CRPPA: variants seen among roughly 807,000 people sequenced by gnomAD.
CRPPA encodes D-ribitol-5-phosphate cytidylyltransferase.
CRPPA carries 43 observed loss-of-function variants against 52.0 expected under a neutral mutation model. That is an observed-to-expected ratio of 0.83 (90% CI 0.65 to 1.07). The LOEUF (loss-of-function observed/expected upper bound fraction) is 1.07, where lower values mean the gene tolerates loss of function less well. CRPPA is among the 50% of genes least tolerant of loss of function. The probability of loss-of-function intolerance (pLI) is 0.00; values close to 1 mark genes in which losing one functional copy is unlikely to be tolerated. For synonymous variants in CRPPA, 250 were observed against 203.5 expected (o/e 1.23, Z -1.94); for missense variants, 629 against 551.7 (o/e 1.14, Z -1.40).
At chr7:16,108,721 T>G (rs886827880) in intron 9 of CRPPA, among the ~76,000 whole-genome samples, 1 of 151,856 alleles carries the variant, frequency 6.6e-6, no homozygotes, top group Non-Finnish European at 1.5e-5. Flanking sequence ...AAAATAAGCC[T>G]CAGAAAATTT....
intron 9 of CRPPA, among the ~76,000 whole-genome samples, chr7:16,135,455 C>G (rs1782746519): frequency 1.3e-5 from 2 of 152,054 alleles, no homozygotes; most frequent in African/African-American, 4.8e-5. Context: ...CAGCTGGCAG[C>G]AATTAGACCC....
At chr7:16,175,593 G>A (rs1388380439) in intron 9 of CRPPA, among the ~76,000 whole-genome samples, 1 of 152,104 alleles carries the variant, frequency 6.6e-6, no homozygotes, top group Non-Finnish European at 1.5e-5. Flanking sequence ...TTTCTGCACA[G>A]AATCTCCACA....
At chr7:16,389,781 T>C (rs1787387207) in intron 2 of CRPPA, among the ~76,000 whole-genome samples, 1 of 151,100 alleles carries the variant, frequency 6.6e-6, no homozygotes, top group Admixed American at 6.6e-5. Context: ...TGTAATAAGC[T>C]ATCCAAAAGA....
intron 9 of CRPPA, among the ~76,000 whole-genome samples, chr7:16,097,978 G>A (rs538072109): frequency 6.6e-6 from 1 of 152,244 alleles, no homozygotes; most frequent in African/African-American, 2.4e-5. Context: ...TTTTCTCAAA[G>A]GATAACTTCG....
At chr7:16,342,798 T>TATATATATAGATAGATATATAGATATA (rs1491461185) in intron 3 of CRPPA, among the ~76,000 whole-genome samples, 12 of 101,228 alleles carry the variant, frequency 1.2e-4, no homozygotes, top group African/African-American at 4.1e-4. Context: ...TATATATATA[T>TATATATATAGATAGATATATAGATATA]CTATATAGAT....
Position 16,406,334 on chromosome 7 carries a change from T to C in CRPPA, c.261A>G (p.Val87=), listed in dbSNP as rs886044356. ...CCACAACAATGTCCTTTATCCAACA[T>C]ACTCTAAAAGGAAAGTATATGTACA... ...ISYTLQALER[V]CWIKDIVVAV... The change falls in exon 2 of 10, where the codon GTA becomes GTG. Residue 87 remains valine, a synonymous_variant. Coordinates refer to ENST00000407010, the MANE Select transcript of CRPPA (RefSeq NM_001101426.4). The C allele has an allele frequency of 1.2e-6, 2 of 1,612,162 alleles. No homozygotes were observed. The highest frequency in any genetic ancestry group is 1.7e-5 in the Admixed American group (1 of 59,970).
intron 9 of CRPPA, among the ~76,000 whole-genome samples, chr7:16,142,394 T>G (rs1782890874): frequency 6.6e-6 from 1 of 152,232 alleles, no homozygotes; most frequent in African/African-American, 2.4e-5. Flanking sequence ...CCACACTTAA[T>G]GTGAAACAGT....
chr7:16,206,064 A>C (rs992352250), intron 9 of CRPPA, among the ~76,000 whole-genome samples: 6 of 152,184 alleles, frequency 3.9e-5, no homozygotes, highest in African/African-American at 1.4e-4. Flanking sequence ...ACTAGAAATA[A>C]ATAGTATAAT....
chr7:16,416,918 T>G lies in CRPPA; in HGVS notation c.257+4148A>C, dbSNP rs35733034. On this transcript the variant is annotated intron_variant, in intron 1 of 9. Coordinates refer to ENST00000407010, the MANE Select transcript of CRPPA (RefSeq NM_001101426.4). Reference sequence around the variant, plus strand: ...GTTTTTGCACTCTCAAGCAAAGGCCTAATATCCAGAATCTATAAGGAACTG... The same window carrying G: ...GTTTTTGCACTCTCAAGCAAAGGCCGAATATCCAGAATCTATAAGGAACTG... Among the ~76,000 whole-genome samples, 793 of 152,246 alleles carry G rather than the reference T, an allele frequency of 5.2e-3. 7 individuals are homozygous for G. The highest frequency in any genetic ancestry group is 0.01 in the Middle Eastern group (3 of 294).
chr7:16,120,208 C>A (rs562996638), intron 9 of CRPPA, among the ~76,000 whole-genome samples: 1 of 152,294 alleles, frequency 6.6e-6, no homozygotes, highest in African/African-American at 2.4e-5. Flanking sequence ...AGGTGTTGAC[C>A]TTGGTCAGGT....
intron 9 of CRPPA, among the ~76,000 whole-genome samples, chr7:16,145,070 G>GC (rs1782948883): frequency 6.6e-6 from 1 of 152,114 alleles, no homozygotes; most frequent in South Asian, 2.1e-4. Flanking sequence ...AACCATAAGT[G>GC]CCCCAGGAAT....
chr7:16,412,591 C>T (rs1452098454), intron 1 of CRPPA, among the ~76,000 whole-genome samples: 1 of 152,166 alleles, frequency 6.6e-6, no homozygotes, highest in Non-Finnish European at 1.5e-5. Flanking sequence ...ACATTCTTTT[C>T]TAGTTATAGA....
rs554160733 is a variant in CRPPA, at chr7:16,352,479, A to G, written c.684+23613T>C. ...ATAGACATTTTTCAAAAGACATACA[A>G]AGGTCCAGATATATTTGAAAAGAAA... On this transcript the variant is annotated intron_variant, in intron 3 of 9. Coordinates refer to ENST00000407010, the MANE Select transcript of CRPPA (RefSeq NM_001101426.4). Among the ~76,000 whole-genome samples the G allele has an allele frequency of 3.3e-5, 5 of 152,282 alleles. No homozygotes were observed. The East Asian group carries it at 7.7e-4, about 24-fold the overall frequency.
intron 9 of CRPPA, among the ~76,000 whole-genome samples, chr7:16,167,764 C>G (rs1298715703): frequency 6.6e-6 from 1 of 152,190 alleles, no homozygotes; most frequent in Non-Finnish European, 1.5e-5. Flanking sequence ...GGGCTCTTCC[C>G]TCTGCCTAAA....
intron 9 of CRPPA, among the ~76,000 whole-genome samples, chr7:16,110,339 C>A (rs183403576): frequency 1.4e-4 from 21 of 152,128 alleles, no homozygotes; most frequent in African/African-American, 4.8e-4. Context: ...TGTTAAAATA[C>A]CCCTTCTACT....
chr7:16,381,784 G>A (rs561382283), intron 2 of CRPPA, among the ~76,000 whole-genome samples: 1 of 151,772 alleles, frequency 6.6e-6, no homozygotes, highest in African/African-American at 2.4e-5. Context: ...TTGGTTTAAA[G>A]TCTGTTTTAT....
In CRPPA at chr7:16,228,220, T is replaced by A. The variant is rs530231635; in HGVS notation, c.1120-12023A>T. Among the ~76,000 whole-genome samples the A allele has an allele frequency of 2.3e-4, 35 of 151,966 alleles. No individual in the cohort carries two copies. The South Asian group carries it at 7.3e-3, about 32-fold the overall frequency. On this transcript the variant is annotated intron_variant, in intron 8 of 9. Coordinates refer to ENST00000407010, the MANE Select transcript of CRPPA (RefSeq NM_001101426.4). ...TCAACACGGTTTTGACTATTCAGGG[T>A]CTAGCAAAAGATTTTCCAATTTTTT...
intron 9 of CRPPA, among the ~76,000 whole-genome samples, chr7:16,188,945 C>A (rs552147219): frequency 9.2e-5 from 14 of 152,148 alleles, no homozygotes; most frequent in Non-Finnish European, 1.3e-4. Context: ...GTTTTCAGCT[C>A]TTCTAGTCAG....
At chr7:16,377,212 G>C (rs1365836280) in intron 2 of CRPPA, among the ~76,000 whole-genome samples, 1 of 152,094 alleles carries the variant, frequency 6.6e-6, no homozygotes, top group East Asian at 1.9e-4. Flanking sequence ...TATAAATTGT[G>C]TCACACCTTC....
Sources: allele counts gnomAD v4.1 joint callset (sites outside exome capture counted in the v4.1 genomes callset), GRCh38; gene constraint gnomAD v4.1.1; transcripts MANE v1.5; gene names NCBI Gene and HGNC (gene_info 2026-07-23, HGNC 2026-07-21).